Variants in ARHGEF10 observed in about 807,000 individuals in gnomAD.
ARHGEF10 encodes the protein Rho guanine nucleotide exchange factor (GEF) 10.
ARHGEF10 carries 140 observed loss-of-function variants against 147.4 expected under a neutral mutation model. That is an observed-to-expected ratio of 0.95 (90% CI 0.83 to 1.09). The LOEUF (loss-of-function observed/expected upper bound fraction) is 1.09, where lower values mean the gene tolerates loss of function less well. Ranked by LOEUF, ARHGEF10 falls within the 50% of genes least tolerant of loss-of-function variation. ARHGEF10 has a pLI of 0.00. For missense variants in ARHGEF10, 2,222 were observed against 1,752.7 expected, an observed-to-expected ratio of 1.27 and a Z score of -4.78; for synonymous variants, 902 against 695.8, an observed-to-expected ratio of 1.30 and a Z score of -4.67.
Position 1,903,438 on chromosome 8 carries a change from G to C in ARHGEF10, c.1808G>C (p.Arg603Thr), listed in dbSNP as rs745755987. The C allele has an allele frequency of 2.5e-6, 4 of 1,614,058 alleles. No individual in the cohort carries two copies. In the East Asian group the frequency reaches 8.9e-5, roughly 36 times the overall value. Residue 603 changes from arginine to threonine, a missense_variant, in exon 16 of 29, where the codon AGA becomes ACA. By Grantham distance (71) the Arg-to-Thr change is moderately conservative. Coordinates refer to ENST00000349830, the MANE Select transcript of ARHGEF10 (RefSeq NM_014629.4). ...VKQIAKAINERYLNKLLSSGS... is the reference protein window; with the variant it reads ...VKQIAKAINETYLNKLLSSGS... ...CAAATAGCCAAAGCCATAAACGAAA[G>C]ATACCTGAACAAGGTTGAGAGAGGT...
chr8:1,887,681 G>A (rs1469404171), intron 11 of ARHGEF10, among the ~76,000 whole-genome samples: 1 of 151,636 alleles, frequency 6.6e-6, no homozygotes, highest in Non-Finnish European at 1.5e-5. Context: ...CAATGTGAGG[G>A]GTCTGTGAGG....
intron 11 of ARHGEF10, among the ~76,000 whole-genome samples, chr8:1,888,354 G>A (rs1197514731): frequency 7.7e-6 from 1 of 130,292 alleles, no homozygotes; most frequent in African/African-American, 3.2e-5. Flanking sequence ...ACTGAGTGGG[G>A]TGAGGGTTGT....
At chr8:1,922,545 G>A (rs991202180) in intron 18 of ARHGEF10, among the ~76,000 whole-genome samples, 3 of 152,128 alleles carry the variant, frequency 2.0e-5, no homozygotes, top group African/African-American at 7.2e-5. Flanking sequence ...AGATTTCAGG[G>A]ACGTGACCAC....
chr8:1,918,929 G>A (rs1426020458), intron 18 of ARHGEF10, among the ~76,000 whole-genome samples: 1 of 151,766 alleles, frequency 6.6e-6, no homozygotes, highest in East Asian at 1.9e-4. Context: ...GTGAGTGATG[G>A]AGTTGTTCTG....
chr8:1,839,022 G>A (rs894629729), intron 1 of ARHGEF10, among the ~76,000 whole-genome samples: 7 of 152,078 alleles, frequency 4.6e-5, no homozygotes, highest in Admixed American at 1.3e-4. Flanking sequence ...CCGATGTGGG[G>A]ACTGTCCAGC....
Position 1,933,867 on chromosome 8 carries a change from C to G in ARHGEF10, c.3147C>G (p.Leu1049=). Residue 1049 remains leucine, a synonymous_variant, in exon 26 of 29, where the codon CTC becomes CTG. Transcript: ENST00000349830. ...KLGVLPVRSL[L]MMEDTLWAAS... ...GCGTCCTACCAGTTAGAAGTCTACT[C>G]ATGATGGAAGACACGTTGTGGGCGG... is the stretch of plus-strand genomic sequence containing the variant. 1 of 1,614,232 alleles carries G rather than the reference C, an allele frequency of 6.2e-7. No individual in the cohort carries two copies.
At chr8:1,848,510 C>T (rs1023608460) in intron 2 of ARHGEF10, among the ~76,000 whole-genome samples, 2 of 152,118 alleles carry the variant, frequency 1.3e-5, no homozygotes, top group South Asian at 2.1e-4. Context: ...ATGGGTGTGT[C>T]GTGGTTTCTG....
At chr8:1,861,709 GTGCGTTTTCC>G (rs1195606480) in intron 4 of ARHGEF10, among the ~76,000 whole-genome samples, 1 of 152,156 alleles carries the variant, frequency 6.6e-6, no homozygotes. Flanking sequence ...ACGGCCTCCT[GTGCGTTTTCC>G]TGTTGAAGTC....
rs147173033 is a variant in ARHGEF10 at position 1,837,421 on chromosome 8, T to C, written c.-47-5932T>C. 2.6e-5 allele frequency among the ~76,000 whole-genome samples: 4 copies of C among 152,348 alleles called. No homozygotes were observed. In the East Asian group the frequency reaches 7.7e-4, roughly 29 times the overall value. On this transcript the variant is annotated intron_variant, in intron 1 of 28. Coordinates refer to ENST00000349830, the MANE Select transcript of ARHGEF10 (RefSeq NM_014629.4). The stretch of plus-strand genomic sequence containing the variant: ...CCAGTGTTGTTCATCTTTCCGTTGG[T>C]CCTAAGATTATCAGTGGAAAAATGA...
intron 8 of ARHGEF10, among the ~76,000 whole-genome samples, chr8:1,877,750 A>G (rs2129113181): frequency 6.6e-6 from 1 of 151,806 alleles, no homozygotes; most frequent in Admixed American, 6.6e-5. Context: ...GACTGTTTGT[A>G]AAAGGATAGA....
intron 7 of ARHGEF10, among the ~76,000 whole-genome samples, chr8:1,875,364 C>T (rs1158177777): frequency 6.6e-6 from 1 of 152,094 alleles, no homozygotes; most frequent in African/African-American, 2.4e-5. Context: ...AGGCTGTAGA[C>T]CCTCCGCTCT....
At chr8:1,936,417 G>A (rs1472957905) in intron 26 of ARHGEF10, among the ~76,000 whole-genome samples, 4 of 152,148 alleles carry the variant, frequency 2.6e-5, no homozygotes, top group Non-Finnish European at 5.9e-5. Context: ...GGCTGAAGTG[G>A]GAGGATCACT....
intron 7 of ARHGEF10, among the ~76,000 whole-genome samples, chr8:1,874,343 G>A (rs980862706): frequency 3.3e-5 from 5 of 152,186 alleles, no homozygotes; most frequent in Non-Finnish European, 7.4e-5. Context: ...GGTCCCAGGA[G>A]CCTTAACAAG....
chr8:1,933,750 C>G (rs767964050), intron 25 of ARHGEF10, 50 bp from the exon 26 acceptor site: 12 of 1,610,084 alleles, frequency 7.5e-6, no homozygotes, highest in South Asian at 1.1e-5. Flanking sequence ...TTTTCCCATT[C>G]CTGTGCACAG....
intron 9 of ARHGEF10, among the ~76,000 whole-genome samples, chr8:1,881,002 A>AGGCTGCAGGCAGTGT (rs1808144792): frequency 6.6e-6 from 1 of 152,144 alleles, no homozygotes; most frequent in Non-Finnish European, 1.5e-5. Context: ...GACCTGCCGG[A>AGGCTGCAGGCAGTGT]GGCTGCAGGC....
In ARHGEF10 at chr8:1,948,303, T is replaced by G. The variant is rs1055149273; in HGVS notation, c.3397+2648T>G. ...CCCTGAATCGTGGGTCTTTACTTAT[T>G]CCTACACGACATAGTCAGGTCTGCA... On this transcript the variant is annotated intron_variant, in intron 27 of 28. Coordinates refer to ENST00000349830, the MANE Select transcript of ARHGEF10 (RefSeq NM_014629.4). This position sits in a 1 kb window ranked among gnomAD's most constrained non-coding sequence, Gnocchi z 4.9. Among the ~76,000 whole-genome samples the G allele has an allele frequency of 2.0e-5, 3 of 151,372 alleles. No homozygotes were observed. The highest frequency in any genetic ancestry group is 7.3e-5 in the African/African-American group (3 of 41,152).
chr8:1,865,086 G>A (rs1806471020), intron 5 of ARHGEF10, among the ~76,000 whole-genome samples: 1 of 152,240 alleles, frequency 6.6e-6, no homozygotes, highest in African/African-American at 2.4e-5. Flanking sequence ...GTTATGAATA[G>A]TTTAAAATAG....
chr8:1,852,746 C>T (rs1179039653), intron 2 of ARHGEF10, among the ~76,000 whole-genome samples: 2 of 152,156 alleles, frequency 1.3e-5, no homozygotes, highest in African/African-American at 2.4e-5. Flanking sequence ...AATTGATGAG[C>T]CAATTACCTG....
chr8:1,893,963 C>T (rs1010147197), intron 12 of ARHGEF10, among the ~76,000 whole-genome samples: 1 of 151,950 alleles, frequency 6.6e-6, no homozygotes, highest in East Asian at 1.9e-4. Flanking sequence ...TGCCTGAGCT[C>T]AGGAGTTCGA....
Sources: gnomAD v4.1 joint callset for allele counts (sites outside exome capture counted in the v4.1 genomes callset) on GRCh38, gnomAD v4.1.1 for gene constraint, Gnocchi (gnomAD v3.1) non-coding constraint, MANE v1.5 for transcripts, NCBI Gene and HGNC (gene_info 2026-07-23, HGNC 2026-07-21) for gene names.